Variants in JPH3 observed in about 807,000 individuals in gnomAD.
JPH3 encodes the protein junctophilin-3.
In JPH3, 11 loss-of-function variants were observed where a neutral mutation model predicts 59.6. The observed-to-expected ratio is 0.18, with a 90% confidence interval of 0.12 to 0.31. JPH3 has a LOEUF of 0.31. Ranked by LOEUF, JPH3 falls within the 10% of genes least tolerant of loss-of-function variation. The pLI, the probability that JPH3 is intolerant of heterozygous loss-of-function variation, is 1.00. For synonymous variants in JPH3, 673 were observed against 483.6 expected (o/e 1.39, Z -5.14); for missense variants, 1,202 against 1,105.7 (o/e 1.09, Z -1.24).
intron 2 of JPH3, among the ~76,000 whole-genome samples, chr16:87,674,799 C>T (rs147148560): frequency 0.064 from 9,756 of 152,154 alleles, 401 homozygotes; most frequent in South Asian, 0.13. Context: ...CTTGCTCTGT[C>T]GCCCAGGCTG....
In JPH3 at chr16:87,695,216, C is replaced by T. The variant is rs1278944767; in HGVS notation, c.2167-1364C>T. 16 of 430,064 alleles carry T rather than the reference C, an allele frequency of 3.7e-5. 1 individual carries two copies. Among genetic ancestry groups the T allele is most frequent in the South Asian group, 2.7e-4 (16 of 58,852 alleles). 26.6% of individuals were successfully genotyped at this position (430,064 alleles called of 1,614,324 possible). A position where few individuals can be genotyped will look rare whatever the true frequency, so the allele number is the denominator to read the frequency against. ...CCTCCTTAATGCAGGCCTGAGCAGCCCTCACCTGGTGCCACATGAGCTACT... is the reference window on the plus strand; with the variant it reads ...CCTCCTTAATGCAGGCCTGAGCAGCTCTCACCTGGTGCCACATGAGCTACT... On this transcript the variant is annotated intron_variant, in intron 4 of 4. Coordinates refer to ENST00000284262, the MANE Select transcript of JPH3 (RefSeq NM_020655.4).
chr16:87,602,458 C>CGGG (rs2030250227), upstream of JPH3, among the ~76,000 whole-genome samples: 1 of 2,512 alleles, frequency 4.0e-4, no homozygotes, highest in Non-Finnish European at 1.3e-3. Context: ...GGGCGGGGGG[C>CGGG]GGGCGGGGGC....
intron 1 of JPH3, among the ~76,000 whole-genome samples, chr16:87,619,649 G>C (rs563814636): frequency 2.6e-5 from 4 of 152,308 alleles, no homozygotes; most frequent in African/African-American, 9.6e-5. Context: ...CGGACACCAC[G>C]ACGGCTGCAG....
chr16:87,644,915 A>G lies in JPH3; in HGVS notation c.1040A>G (p.Lys347Arg), dbSNP rs1244127464. The change falls in exon 2 of 5, where the codon AAG becomes AGG. Residue 347 changes from lysine to arginine, a missense_variant. By Grantham distance (26) the Lys-to-Arg change is conservative. Coordinates refer to ENST00000284262, the MANE Select transcript of JPH3 (RefSeq NM_020655.4). ...AAGCAGAACATCCTCGTCGGCGGCA[A>G]GCGCAAGAACCTCATCCCCCTGCGG... ...KYKQNILVGG[K>R]RKNLIPLRAS... The G allele has an allele frequency of 6.2e-7, 1 of 1,612,808 alleles. No homozygotes were observed. The highest frequency in any genetic ancestry group is 1.3e-5 in the African/African-American group (1 of 74,898).
chr16:87,649,852 G>A (rs1267374732), intron 2 of JPH3, among the ~76,000 whole-genome samples: 2 of 152,222 alleles, frequency 1.3e-5, no homozygotes, highest in African/African-American at 2.4e-5. Context: ...GGTGGCCCAT[G>A]TGAAAGCTAT....
intron 1 of JPH3, among the ~76,000 whole-genome samples, chr16:87,642,961 C>G (rs2032004592): frequency 6.6e-6 from 1 of 152,228 alleles, no homozygotes; most frequent in African/African-American, 2.4e-5. Flanking sequence ...TAATTACCTT[C>G]ACGGTGTTAG....
chr16:87,611,867 A>G lies in JPH3; in HGVS notation c.382+8339A>G, dbSNP rs1329265811. 6.6e-6 allele frequency among the ~76,000 whole-genome samples: 1 copy of G among 152,182 alleles called. No homozygotes were observed. Among genetic ancestry groups the G allele is most frequent in the Non-Finnish European group, 1.5e-5 (1 of 68,032 alleles). ...TTGTGCCTCCTAAGCCTGGCTACAC[A>G]TTCGAGTCACTAAGAATGTCCCTGG... On this transcript the variant is annotated intron_variant, in intron 1 of 4. Coordinates refer to ENST00000284262, the MANE Select transcript of JPH3 (RefSeq NM_020655.4). The surrounding 1 kb of genome is among the most constrained non-coding windows in gnomAD (Gnocchi z 4.5).
intron 3 of JPH3, among the ~76,000 whole-genome samples, chr16:87,686,384 A>G (rs141557501): frequency 0.043 from 4,759 of 110,358 alleles, 39 homozygotes; most frequent in African/African-American, 0.067. Flanking sequence ...GATGCTTCCC[A>G]GAGGGCTCAG....
In JPH3 at chr16:87,697,267, G is replaced by C. The variant is rs533684609; in HGVS notation, c.*607G>C. ...GCCACCTCCTCCCTGTGAGACGGAT[G>C]CAGGTCCTTCCCTCTTCTCGGCACT... On this transcript the variant is annotated 3_prime_UTR_variant, in exon 5 of 5. Coordinates refer to ENST00000284262, the MANE Select transcript of JPH3 (RefSeq NM_020655.4). 1.3e-5 allele frequency: 2 copies of C among 153,772 alleles called. No homozygotes were observed. The highest frequency in any genetic ancestry group is 4.8e-5 in the African/African-American group (2 of 41,458). The allele number at this position is 153,772 out of a possible 1,614,324, so 9.5% of individuals were successfully genotyped here.
intron 1 of JPH3, among the ~76,000 whole-genome samples, chr16:87,643,500 G>C (rs1203926360): frequency 6.6e-6 from 1 of 152,110 alleles, no homozygotes; most frequent in African/African-American, 2.4e-5. Context: ...GGTCTTCCTG[G>C]ATACCTCCAG....
intron 2 of JPH3, among the ~76,000 whole-genome samples, chr16:87,677,227 A>ACACACACACACACACACACAC (rs1567610816): frequency 1.6e-4 from 16 of 99,200 alleles, no homozygotes; most frequent in Admixed American, 2.1e-4. Context: ...CACACACACA[A>ACACACACACACACACACACAC]AAAAAAAAAT....
At chr16:87,654,962 G>A (rs7203610) in intron 2 of JPH3, 78,114 of 152,160 alleles carry the variant, frequency 0.51, 20,626 homozygotes, top group East Asian at 0.67. Context: ...CCGGGAAAAC[G>A]CTGTCACCGC....
intron 1 of JPH3, among the ~76,000 whole-genome samples, chr16:87,636,800 C>G (rs2031764740): frequency 6.6e-6 from 1 of 152,254 alleles, no homozygotes; most frequent in Non-Finnish European, 1.5e-5. Context: ...GGCCAGAGCT[C>G]CGTCAGTTCA....
In JPH3 at chr16:87,689,905, C is replaced by G. The variant is rs199695995; in HGVS notation, c.1545C>G (p.Ile515Met). 1 of 1,464,486 alleles carries G rather than the reference C, an allele frequency of 6.8e-7. No homozygotes were observed. Among genetic ancestry groups the G allele is most frequent in the Non-Finnish European group, 9.0e-7 (1 of 1,109,726 alleles). 90.7% of individuals were successfully genotyped at this position (1,464,486 alleles called of 1,614,324 possible). ...TGGACGAGGAGCGGGGCGGGGACAT[C>G]CAGATGCTCCTGGAGGGCCGGGCCG... ...VSVDEERGGD[I>M]QMLLEGRAGD... Residue 515 changes from isoleucine (I) to methionine (M), a missense_variant, in exon 4 of 5, where the codon ATC becomes ATG. By Grantham distance (10) the Ile-to-Met change is conservative. Coordinates refer to ENST00000284262, the MANE Select transcript of JPH3 (RefSeq NM_020655.4).
intron 4 of JPH3, chr16:87,695,638 G>A (rs767820964): frequency 1.5e-5 from 7 of 455,924 alleles, no homozygotes; most frequent in African/African-American, 4.0e-5. Flanking sequence ...TCCAGGAGGC[G>A]TCCATTCCCT....
chr16:87,617,722 G>A (rs2150826859), intron 1 of JPH3, among the ~76,000 whole-genome samples: 1 of 152,288 alleles, frequency 6.6e-6, no homozygotes, highest in Middle Eastern at 3.4e-3. Flanking sequence ...AGAAGGAGCA[G>A]GTGCAGGTGC....
At chr16:87,670,812 G>A (rs2032995284) in intron 2 of JPH3, among the ~76,000 whole-genome samples, 1 of 152,202 alleles carries the variant, frequency 6.6e-6, no homozygotes, top group African/African-American at 2.4e-5. Context: ...CTGTTCCTAT[G>A]GTGTGGACGT....
rs1042312495 is a variant in JPH3, at chr16:87,696,764, C to A, written c.*104C>A. ...AAAGACCGCAACTCGGACAGCCCAG[C>A]GACTTCCAAGTCCTCTCACAGAAGA... On this transcript the variant is annotated 3_prime_UTR_variant, in exon 5 of 5. Coordinates refer to ENST00000284262, the MANE Select transcript of JPH3 (RefSeq NM_020655.4). 1 of 904,870 alleles carries A rather than the reference C, an allele frequency of 1.1e-6. No individual in the cohort carries two copies. The highest frequency in any genetic ancestry group is 1.8e-6 in the Non-Finnish European group (1 of 564,302). The allele number at this position is 904,870 out of a possible 1,614,324, so 56.1% of individuals were successfully genotyped here.
chr16:87,647,860 G>A (rs1033150485), intron 2 of JPH3, among the ~76,000 whole-genome samples: 4 of 152,202 alleles, frequency 2.6e-5, no homozygotes, highest in African/African-American at 9.6e-5. Context: ...CCTCAAAGGG[G>A]CACTAGGAAC....
Sources: gnomAD v4.1 joint callset for allele counts (sites outside exome capture counted in the v4.1 genomes callset) on GRCh38, gnomAD v4.1.1 for gene constraint, Gnocchi (gnomAD v3.1) non-coding constraint, MANE v1.5 for transcripts, NCBI Gene and HGNC (gene_info 2026-07-23, HGNC 2026-07-21) for gene names.